ELAPOR2: variants seen among roughly 807,000 people sequenced by gnomAD.
The protein encoded by ELAPOR2 is endosome-lysosome associated apoptosis and autophagy regulator family member 2, also known as endosome/lysosome-associated apoptosis and autophagy regulator family member 2.
In ELAPOR2, 89 loss-of-function variants were observed where a neutral mutation model predicts 120.7. That is an observed-to-expected ratio of 0.74 (90% CI 0.62 to 0.88). The LOEUF is 0.88. ELAPOR2 is among the 40% of genes least tolerant of loss of function. The pLI, the probability that ELAPOR2 is intolerant of heterozygous loss-of-function variation, is 0.00. For synonymous variants in ELAPOR2, 444 were observed against 444.9 expected (o/e 1.00, Z 0.03); for missense variants, 1,134 against 1,251.6 (o/e 0.91, Z 1.42).
At chr7:87,049,534 G>A (rs1264252449) in intron 1 of ELAPOR2, among the ~76,000 whole-genome samples, 4 of 152,040 alleles carry the variant, frequency 2.6e-5, no homozygotes, top group South Asian at 4.1e-4. Context: ...CGCCAGCCTC[G>A]GCCTCCCAAA....
chr7:86,899,616 C>A (rs1788620625), intron 18 of ELAPOR2, among the ~76,000 whole-genome samples: 1 of 151,986 alleles, frequency 6.6e-6, no homozygotes, highest in South Asian at 2.1e-4. Context: ...CTAAGACACC[C>A]TAAGATATGA....
chr7:87,015,495 A>T (rs1350189449), intron 1 of ELAPOR2, among the ~76,000 whole-genome samples: 1 of 152,176 alleles, frequency 6.6e-6, no homozygotes, highest in African/African-American at 2.4e-5. Context: ...TCCTTCAAAG[A>T]TGAAAAATCT....
At chr7:86,946,937 G>T (rs111855063) in intron 3 of ELAPOR2, among the ~76,000 whole-genome samples, 65 of 152,172 alleles carry the variant, frequency 4.3e-4, no homozygotes, top group African/African-American at 1.5e-3. Context: ...TTAAAATAAA[G>T]AAATTGGCAT....
At chr7:86,987,676 T>C (rs900796798) in intron 1 of ELAPOR2, among the ~76,000 whole-genome samples, 3 of 151,116 alleles carry the variant, frequency 2.0e-5, no homozygotes, top group Admixed American at 6.6e-5. Context: ...AGAATGGCAA[T>C]CATTAAAAAG....
rs199837277 is a variant in ELAPOR2, at chr7:86,965,083, C to T, written c.190-59G>A. The T allele has an allele frequency of 7.0e-4, 1,069 of 1,530,978 alleles. 1 individual carries two copies. Among genetic ancestry groups the T allele is most frequent in the Admixed American group, 8.7e-4 (44 of 50,846 alleles). The allele number at this position is 1,530,978 out of a possible 1,614,324, so 94.8% of individuals were successfully genotyped here. On this transcript the variant is annotated intron_variant, in intron 1 of 21. Coordinates refer to ENST00000450689, the MANE Select transcript of ELAPOR2 (RefSeq NM_001142749.3). ...AGCCAGTTCTAACGGGACAACTGTG[C>T]TTTCTCTATCACCCCAAGCCCCTGT... is the stretch of plus-strand genomic sequence containing the variant.
intron 1 of ELAPOR2, among the ~76,000 whole-genome samples, chr7:87,048,024 T>G (rs1293101232): frequency 6.6e-6 from 1 of 152,082 alleles, no homozygotes; most frequent in Non-Finnish European, 1.5e-5. Flanking sequence ...GGTGGGCGGA[T>G]CACAAGGTCA....
intron 18 of ELAPOR2, among the ~76,000 whole-genome samples, chr7:86,903,692 T>C (rs1045286150): frequency 6.6e-6 from 1 of 152,172 alleles, no homozygotes; most frequent in African/African-American, 2.4e-5. Flanking sequence ...GTTCCTTTTG[T>C]GAGATTCAAT....
chr7:86,883,023 GGTGTGTGTGTGTGTGTGTGT>G (rs55859925), intron 21 of ELAPOR2, among the ~76,000 whole-genome samples: 1 of 141,452 alleles, frequency 7.1e-6, no homozygotes, highest in Non-Finnish European at 1.5e-5. Flanking sequence ...GTTTGAAAGG[GGTGTGTGTGTGTGTGTGTGT>G]GTGTGTGTGT....
intron 8 of ELAPOR2, among the ~76,000 whole-genome samples, chr7:86,931,402 G>A (rs1192662888): frequency 1.3e-5 from 2 of 151,856 alleles, no homozygotes; most frequent in Non-Finnish European, 2.9e-5. Context: ...TGTAAGACAA[G>A]TAGAAAACAT....
intron 21 of ELAPOR2, among the ~76,000 whole-genome samples, chr7:86,881,086 A>T (rs912721545): frequency 6.6e-6 from 1 of 152,196 alleles, no homozygotes; most frequent in Admixed American, 6.5e-5. Flanking sequence ...CAAAATTTTC[A>T]CTCAAATGTA....
At position 86,918,531 on chromosome 7, in the gene ELAPOR2, T is replaced by C. The variant is rs756627370; in HGVS notation, c.1504A>G (p.Met502Val). Residue 502 changes from methionine (M) to valine (V), a missense_variant, in exon 12 of 22, where the codon ATG (methionine) becomes GTG (valine). Around this residue, in one of 3 missense-constraint regions of ELAPOR2, gnomAD observed 831 missense variants for 867.6 expected, o/e 0.96. Coordinates refer to ENST00000450689, the MANE Select transcript of ELAPOR2 (RefSeq NM_001142749.3). ...AGTTCAGAACCCGTGGCTCCAGTCA[T>C]AGATGTTGGTGGTCTATTTGACAGA... ...HIPGFKPPTSMTGATGSELGR... is the reference protein window; with the variant it reads ...HIPGFKPPTSVTGATGSELGR... The C allele has an allele frequency of 3.8e-5, 61 of 1,607,296 alleles. No individual in the cohort carries two copies. In the South Asian group the frequency reaches 6.2e-4, roughly 16 times the overall value.
At chr7:87,041,126 T>C (rs559581417) in intron 1 of ELAPOR2, among the ~76,000 whole-genome samples, 3 of 152,248 alleles carry the variant, frequency 2.0e-5, no homozygotes, top group Non-Finnish European at 1.5e-5. Flanking sequence ...AAAGACCAAA[T>C]CTATGTCTGA....
intron 10 of ELAPOR2, among the ~76,000 whole-genome samples, chr7:86,922,896 C>T (rs1308783087): frequency 2.0e-5 from 3 of 151,724 alleles, no homozygotes; most frequent in Non-Finnish European, 4.4e-5. Context: ...TATTGTGTTA[C>T]TATTCTGATT....
At chr7:86,905,169 A>T (rs544998834) in intron 18 of ELAPOR2, among the ~76,000 whole-genome samples, 17 of 150,458 alleles carry the variant, frequency 1.1e-4, no homozygotes, top group Non-Finnish European at 2.2e-4. Flanking sequence ...AGAGAGAAAG[A>T]AAGAAAGAGA....
rs193173059 is a variant in ELAPOR2, at chr7:87,042,879, C to A, written c.189+16446G>T. On this transcript the variant is annotated intron_variant, in intron 1 of 21. Transcript: ENST00000450689. The stretch of plus-strand genomic sequence containing the variant: ...TGACCACTAGAAAGACTAATAAAGA[C>A]AAAAAGAGAGAGGAATCAAATAGAC... 8.0e-3 allele frequency among the ~76,000 whole-genome samples: 1,216 copies of A among 151,738 alleles called. 17 individuals carry two copies. The highest frequency in any genetic ancestry group is 0.028 in the African/African-American group (1,168 of 41,370).
intron 1 of ELAPOR2, among the ~76,000 whole-genome samples, chr7:87,015,872 G>A (rs1244420558): frequency 6.6e-6 from 1 of 152,092 alleles, no homozygotes; most frequent in African/African-American, 2.4e-5. Context: ...TTCAGATTGG[G>A]CTCTTTACAC....
chr7:86,925,812 T>A (rs1414519277), intron 9 of ELAPOR2, among the ~76,000 whole-genome samples, 156 bp from the exon 10 acceptor site: 1 of 151,992 alleles, frequency 6.6e-6, no homozygotes, highest in Non-Finnish European at 1.5e-5. Flanking sequence ...ACTAACTTTT[T>A]CAAAAGAAAT....
intron 1 of ELAPOR2, among the ~76,000 whole-genome samples, chr7:87,057,626 C>A (rs1056779820): frequency 1.4e-4 from 22 of 152,174 alleles, no homozygotes; most frequent in African/African-American, 5.1e-4. Context: ...ATCAAGTGAA[C>A]CCAGCCTTCC....
intron 1 of ELAPOR2, among the ~76,000 whole-genome samples, chr7:87,044,720 C>A (rs1441058173): frequency 1.3e-5 from 2 of 151,856 alleles, no homozygotes; most frequent in Non-Finnish European, 2.9e-5. Context: ...GTCTAAAACA[C>A]CAAAAGCAAT....
Sources: allele counts gnomAD v4.1 joint callset (sites outside exome capture counted in the v4.1 genomes callset), GRCh38; gene constraint gnomAD v4.1.1; regional missense constraint gnomAD v4.1.1; transcripts MANE v1.5; gene names NCBI Gene and HGNC (gene_info 2026-07-23, HGNC 2026-07-21).